The following SCNN1B variants were observed in gnomAD, a reference collection of about 807,000 sequenced individuals.
SCNN1B encodes sodium channel epithelial 1 subunit beta.
In SCNN1B, 46 loss-of-function variants were observed where a neutral mutation model predicts 65.3. The ratio of observed to expected loss-of-function variants is 0.70; its 90% CI spans 0.56 to 0.90. SCNN1B has a LOEUF of 0.90. Ranked by LOEUF, SCNN1B falls within the 40% of genes least tolerant of loss-of-function variation. The pLI is 0.00. For missense variants in SCNN1B, 751 were observed against 830.5 expected (o/e 0.90, Z 1.18); for synonymous variants, 349 against 330.6 (o/e 1.06, Z -0.60).
intron 1 of SCNN1B, chr16:23,304,227 G>A (rs2141978486): frequency 1.4e-6 from 1 of 718,622 alleles, no homozygotes; most frequent in Non-Finnish European, 2.4e-6. Context: ...CTTTTCCACT[G>A]CTCACATACG....
intron 1 of SCNN1B, among the ~76,000 whole-genome samples, chr16:23,308,082 T>C (rs542261221): frequency 6.6e-6 from 1 of 152,246 alleles, no homozygotes; most frequent in East Asian, 1.9e-4. Flanking sequence ...CGCATGCCTG[T>C]AGTCCCAGCT....
At position 23,375,744 on chromosome 16, in the gene SCNN1B, C is replaced by A; in HGVS notation, c.1159C>A (p.Leu387Ile). 1 of 1,613,238 alleles carries A rather than the reference C, an allele frequency of 6.2e-7. No individual in the cohort carries two copies. Among genetic ancestry groups the A allele is most frequent in the Non-Finnish European group, 8.5e-7 (1 of 1,179,164 alleles). Reference protein sequence around the residue: ...YNTTYSIQACLRSCFQDHMIR... With the variant: ...YNTTYSIQACIRSCFQDHMIR... ...AACCCCCTACCCTCCCCAGGCCTGTCTTCGCTCCTGCTTCCAAGACCACAT... is the reference window on the plus strand; with the variant it reads ...AACCCCCTACCCTCCCCAGGCCTGTATTCGCTCCTGCTTCCAAGACCACAT... Residue 387 changes from leucine to isoleucine, a missense_variant, in exon 8 of 13, where the codon CTT becomes ATT. Physicochemically the swap from Leu to Ile is conservative, Grantham distance 5. Transcript: ENST00000343070.
chr16:23,319,828 C>A (rs1030478265), intron 1 of SCNN1B, among the ~76,000 whole-genome samples: 6 of 151,886 alleles, frequency 4.0e-5, no homozygotes, highest in African/African-American at 1.5e-4. Flanking sequence ...AGTGCAGTGG[C>A]GCAATCTTGG....
intron 2 of SCNN1B, among the ~76,000 whole-genome samples, chr16:23,295,214 T>C (rs1960978914): frequency 6.6e-6 from 1 of 152,098 alleles, no homozygotes; most frequent in African/African-American, 2.4e-5. Context: ...CATTAATGTT[T>C]GGCCTTACTT....
At position 23,354,128 on chromosome 16, in the gene SCNN1B, C is replaced by T. The variant is rs568071126; in HGVS notation, c.585+1054C>T. Among the ~76,000 whole-genome samples, 68 of 152,318 alleles carry T rather than the reference C, an allele frequency of 4.5e-4. No homozygotes were observed. The South Asian group carries it at 0.012, about 26-fold the overall frequency. On this transcript the variant is annotated intron_variant, in intron 3 of 12. Transcript: ENST00000343070. ...TCCCCACCTCTCCACACAAACTAGC[C>T]GACGTCATATGGGGGATCTGCTGTG...
chr16:23,333,710 A>C (rs1161501089), intron 1 of SCNN1B, among the ~76,000 whole-genome samples: 1 of 152,092 alleles, frequency 6.6e-6, no homozygotes, highest in Non-Finnish European at 1.5e-5. Context: ...AATGGCTCGC[A>C]CTTGTAATCC....
At chr16:23,313,613 GGTTT>G (rs1314572463) in intron 1 of SCNN1B, among the ~76,000 whole-genome samples, 3 of 152,148 alleles carry the variant, frequency 2.0e-5, no homozygotes, top group Non-Finnish European at 2.9e-5. Context: ...TTTTGTGTGT[GGTTT>G]GTTTGTTTGT....
chr16:23,380,005 T>G lies in SCNN1B; in HGVS notation c.1467-89T>G. 1 of 946,376 alleles carries G rather than the reference T, an allele frequency of 1.1e-6. No homozygotes were observed. Among genetic ancestry groups the G allele is most frequent in the Non-Finnish European group, 1.7e-6 (1 of 571,752 alleles). The allele number at this position is 946,376 out of a possible 1,614,324, so 58.6% of individuals were successfully genotyped here. On this transcript the variant is annotated intron_variant, in intron 11 of 12. Transcript: ENST00000343070. The surrounding 1 kb of genome is among the most constrained non-coding windows in gnomAD (Gnocchi z 5.4). ...ACATGTGGGTGTGTGCACGTGCATG[T>G]GTGTGCATGTGTCTATGTGCGTGTG...
chr16:23,364,299 C>T (rs1368694437), intron 4 of SCNN1B, among the ~76,000 whole-genome samples: 1 of 152,106 alleles, frequency 6.6e-6, no homozygotes, highest in East Asian at 1.9e-4. Flanking sequence ...CATAGGGGTT[C>T]AGGGAGGCCT....
intron 1 of SCNN1B, among the ~76,000 whole-genome samples, chr16:23,342,614 A>T (rs1962076554): frequency 6.6e-6 from 1 of 152,186 alleles, no homozygotes. Context: ...AAGAAGAATT[A>T]TCTTGGGCCA....
chr16:23,295,641 T>G (rs970328229), intron 2 of SCNN1B, among the ~76,000 whole-genome samples: 6 of 152,174 alleles, frequency 3.9e-5, no homozygotes, highest in Non-Finnish European at 1.5e-5. Flanking sequence ...CATAAGCCAC[T>G]GCACCCAGCC....
chr16:23,360,789 G>T (rs185150), intron 4 of SCNN1B, among the ~76,000 whole-genome samples: 25,408 of 150,442 alleles, frequency 0.17, 3,008 homozygotes, highest in African/African-American at 0.34. Flanking sequence ...TTTGGTTTTT[G>T]GTTTTGTTTT....
chr16:23,335,545 T>C (rs1009362866), intron 1 of SCNN1B, among the ~76,000 whole-genome samples: 54 of 151,298 alleles, frequency 3.6e-4, no homozygotes, highest in African/African-American at 1.3e-3. Flanking sequence ...CATCCCAGGT[T>C]CAAGCGATTC....
chr16:23,369,649 G>C (rs910383784), intron 5 of SCNN1B, among the ~76,000 whole-genome samples: 1 of 151,820 alleles, frequency 6.6e-6, no homozygotes, highest in Non-Finnish European at 1.5e-5. Context: ...AGCGACCATC[G>C]GGGCCGCTGG....
chr16:23,327,687 G>A (rs1337343590), intron 1 of SCNN1B, among the ~76,000 whole-genome samples: 1 of 152,040 alleles, frequency 6.6e-6, no homozygotes, highest in African/African-American at 2.4e-5. Flanking sequence ...AGAGAAGCTG[G>A]GCAGAGAGGA....
chr16:23,291,742 A>ATTT (rs10707900), intron 2 of SCNN1B, among the ~76,000 whole-genome samples: 1 of 131,508 alleles, frequency 7.6e-6, no homozygotes, highest in Non-Finnish European at 1.6e-5. Context: ...CACGCAGCTA[A>ATTT]TTTTTTTTTT....
At chr16:23,297,841 A>G (rs1253910596), upstream of SCNN1B, among the ~76,000 whole-genome samples, 1 of 152,178 alleles carries the variant, frequency 6.6e-6, no homozygotes, top group Non-Finnish European at 1.5e-5. Flanking sequence ...GTGAAAAAGG[A>G]GTGGTGACCC....
intron 1 of SCNN1B, among the ~76,000 whole-genome samples, chr16:23,319,613 G>A (rs1231070736): frequency 6.6e-6 from 1 of 152,182 alleles, no homozygotes; most frequent in Non-Finnish European, 1.5e-5. Flanking sequence ...CACTATGATG[G>A]CAGCATTGAG....
chr16:23,341,622 T>C (rs1267636493), intron 1 of SCNN1B, among the ~76,000 whole-genome samples: 1 of 152,056 alleles, frequency 6.6e-6, no homozygotes, highest in African/African-American at 2.4e-5. Flanking sequence ...AAAAGATAAA[T>C]AGCCCAGTTA....
Sources: gnomAD v4.1 joint callset for allele counts (sites outside exome capture counted in the v4.1 genomes callset) on GRCh38, gnomAD v4.1.1 for gene constraint, Gnocchi (gnomAD v3.1) non-coding constraint, MANE v1.5 for transcripts, NCBI Gene and HGNC (gene_info 2026-07-23, HGNC 2026-07-21) for gene names.